The following PHKB variants were observed in gnomAD, a reference collection of about 807,000 sequenced individuals.
The protein encoded by PHKB is phosphorylase kinase regulatory subunit beta, also known as phosphorylase b kinase regulatory subunit beta.
PHKB carries 122 observed loss-of-function variants against 152.1 expected under a neutral mutation model. That is an observed-to-expected ratio of 0.80 (90% CI 0.69 to 0.93). The LOEUF is 0.93. Ranked by LOEUF, PHKB falls within the 40% of genes least tolerant of loss-of-function variation. The pLI, the probability that PHKB is intolerant of heterozygous loss-of-function variation, is 0.00. For synonymous variants in PHKB, 436 were observed against 464.9 expected (o/e 0.94, Z 0.80); for missense variants, 1,304 against 1,328.4 (o/e 0.98, Z 0.29).
rs776744807 is a variant in PHKB at position 47,698,560 on chromosome 16, A to C, written c.3116A>C (p.Gln1039Pro). ...KEAFNEFQKD[Q>P]SRLKEIEKQD... The stretch of plus-strand genomic sequence containing the variant: ...GCATTTAATGAATTTCAAAAAGATC[A>C]GAGTCGGCTAAAGGAAATTGAAAAA... The change falls in exon 30 of 31, where the codon CAG becomes CCG. Residue 1039 changes from glutamine (Q) to proline (P), a missense_variant. By Grantham distance (76) the Gln-to-Pro change is moderately conservative. Coordinates refer to ENST00000323584, the MANE Select transcript of PHKB (RefSeq NM_000293.3). 6.9e-6 allele frequency: 11 copies of C among 1,597,440 alleles called. No individual in the cohort carries two copies. The highest frequency in any genetic ancestry group is 1.1e-5 in the South Asian group (1 of 90,454).
At chr16:47,489,484 A>G (rs1404434873) in intron 1 of PHKB, among the ~76,000 whole-genome samples, 2 of 152,230 alleles carry the variant, frequency 1.3e-5, no homozygotes, top group African/African-American at 4.8e-5. Context: ...AAGAATAACT[A>G]TTTCTACATA....
chr16:47,462,324 C>T (rs1299415022), intron 1 of PHKB: 1 of 152,208 alleles, frequency 6.6e-6, no homozygotes, highest in Non-Finnish European at 1.5e-5. Context: ...TAACTTTGCA[C>T]TTGCATTGAT....
chr16:47,516,075 G>A (rs977751604), intron 6 of PHKB, among the ~76,000 whole-genome samples: 1 of 152,056 alleles, frequency 6.6e-6, no homozygotes, highest in South Asian at 2.1e-4. Flanking sequence ...TTATAGGCAT[G>A]TGCCACTACG....
intron 3 of PHKB, 122 bp from the exon 4 acceptor site, chr16:47,502,869 G>A: frequency 5.6e-6 from 4 of 713,480 alleles, no homozygotes; most frequent in Non-Finnish European, 7.6e-6. Flanking sequence ...CACTGTGACA[G>A]AATTGGTAGA....
intron 7 of PHKB, among the ~76,000 whole-genome samples, chr16:47,553,036 A>T (rs1027284825): frequency 7.2e-5 from 11 of 152,044 alleles, no homozygotes; most frequent in Non-Finnish European, 1.5e-4. Flanking sequence ...CTCAAGGAGT[A>T]TCTTTGTGGT....
intron 14 of PHKB, among the ~76,000 whole-genome samples, chr16:47,637,298 G>A (rs1972938525): frequency 6.6e-6 from 1 of 152,162 alleles, no homozygotes; most frequent in Non-Finnish European, 1.5e-5. Flanking sequence ...ACAAGAACTT[G>A]GGACTCACCA....
At chr16:47,687,885 AC>A (rs1249421098) in intron 26 of PHKB, among the ~76,000 whole-genome samples, 1 of 152,192 alleles carries the variant, frequency 6.6e-6, no homozygotes, top group African/African-American at 2.4e-5. Flanking sequence ...CCTGGTTGAC[AC>A]CCGGTAAGGC....
intron 7 of PHKB, among the ~76,000 whole-genome samples, chr16:47,559,414 A>G (rs1971438180): frequency 6.6e-6 from 1 of 152,236 alleles, no homozygotes; most frequent in Non-Finnish European, 1.5e-5. Flanking sequence ...CATAAAAACA[A>G]CAACAATCTT....
intron 7 of PHKB, chr16:47,566,633 G>A (rs1441429802): frequency 4.4e-6 from 5 of 1,136,042 alleles, no homozygotes; most frequent in African/African-American, 1.5e-5. Context: ...TGGGAAGATG[G>A]CTCCAGTCGA....
At chr16:47,553,405 C>G (rs2151676292) in intron 7 of PHKB, among the ~76,000 whole-genome samples, 1 of 152,180 alleles carries the variant, frequency 6.6e-6, no homozygotes, top group South Asian at 2.1e-4. Flanking sequence ...ATGTTCTTCT[C>G]TAAGCTGGTT....
intron 1 of PHKB, among the ~76,000 whole-genome samples, chr16:47,468,738 C>T (rs114667479): frequency 1.2e-4 from 19 of 152,318 alleles, no homozygotes; most frequent in African/African-American, 4.3e-4. Flanking sequence ...ATGGCTTTTG[C>T]CTGCCCCTCT....
intron 26 of PHKB, among the ~76,000 whole-genome samples, chr16:47,674,641 TTCAAGG>T (rs1234911192): frequency 6.6e-6 from 1 of 152,172 alleles, no homozygotes; most frequent in East Asian, 1.9e-4. Flanking sequence ...TTGTCATACT[TTCAAGG>T]TCAGTATTTG....
rs77858344 is a variant in PHKB at position 47,566,014 on chromosome 16, C to T, written c.711-14281C>T. ...TCATCCCGTCTGTTGGATCAGTCTT[C>T]ATCACAGTCCTCACCTCCTCTGTAG... On this transcript the variant is annotated intron_variant, in intron 7 of 30. Coordinates refer to ENST00000323584, the MANE Select transcript of PHKB (RefSeq NM_000293.3). The T allele has an allele frequency of 3.8e-3, 2,732 of 712,406 alleles. 6 individuals are homozygous for T. Among genetic ancestry groups the T allele is most frequent in the Non-Finnish European group, 5.7e-3 (2,356 of 411,406 alleles). The allele number at this position is 712,406 out of a possible 1,614,324, so 44.1% of individuals were successfully genotyped here.
At chr16:47,580,403 A>G (rs1356124105) in intron 8 of PHKB, 45 bp downstream of exon 8, 5 of 1,326,750 alleles carry the variant, frequency 3.8e-6, no homozygotes, top group African/African-American at 2.9e-5. Context: ...TGAATTGCAC[A>G]TTTAATTAAT....
chr16:47,484,019 T>A (rs945671922), intron 1 of PHKB, among the ~76,000 whole-genome samples: 1 of 152,146 alleles, frequency 6.6e-6, no homozygotes. Context: ...AGATTAGAAT[T>A]GTCAGAATAC....
At chr16:47,698,374 C>A (rs571606269) in intron 29 of PHKB, 74 bp from the exon 30 acceptor site, 5 of 1,057,884 alleles carry the variant, frequency 4.7e-6, no homozygotes, top group African/African-American at 1.6e-5. Flanking sequence ...GATCACCCAT[C>A]CATCTGATCA....
chr16:47,651,147 TCTC>T lies in PHKB; in HGVS notation c.1971+227_1971+229del, dbSNP rs1276640820. Among the ~76,000 whole-genome samples the T allele has an allele frequency of 2.0e-5, 3 of 152,316 alleles. No individual in the cohort carries two copies. In the East Asian group the frequency reaches 5.8e-4, roughly 29 times the overall value. On this transcript the variant is annotated intron_variant, in intron 20 of 30. Coordinates refer to ENST00000323584, the MANE Select transcript of PHKB (RefSeq NM_000293.3). The stretch of plus-strand genomic sequence containing the variant: ...CAGAATTTTAGACTTCAGTAGCTCA[TCTC>T]TAAAAGCTAGGTCCATAGTGGTGTA...
intron 1 of PHKB, chr16:47,463,279 G>C (rs1433293132): frequency 1.3e-5 from 2 of 152,590 alleles, no homozygotes; most frequent in African/African-American, 2.4e-5. Flanking sequence ...GTTAACTGTT[G>C]TTGAGTGCAG....
chr16:47,561,958 T>C (rs968371663), intron 7 of PHKB: 1 of 152,142 alleles, frequency 6.6e-6, no homozygotes, highest in Admixed American at 6.5e-5. Context: ...TAAAAAGGCA[T>C]ATCCAGAGAG....
Sources: allele counts gnomAD v4.1 joint callset (sites outside exome capture counted in the v4.1 genomes callset), GRCh38; gene constraint gnomAD v4.1.1; transcripts MANE v1.5; gene names NCBI Gene and HGNC (gene_info 2026-07-23, HGNC 2026-07-21).